The following FARSB variants were observed in gnomAD, a reference collection of about 807,000 sequenced individuals.
FARSB encodes the protein phenylalanyl-tRNA synthetase subunit beta, also known as phenylalanine--tRNA ligase beta subunit.
In FARSB, 40 loss-of-function variants were observed where a neutral mutation model predicts 69.6. The ratio of observed to expected loss-of-function variants is 0.57; its 90% confidence interval spans 0.45 to 0.75. The LOEUF (loss-of-function observed/expected upper bound fraction) is 0.75, where lower values mean the gene tolerates loss of function less well. Ranked by LOEUF, FARSB falls within the 30% of genes least tolerant of loss-of-function variation. FARSB has a pLI of 0.00. For synonymous variants in FARSB, 235 were observed against 247.2 expected (o/e 0.95, Z 0.46); for missense variants, 632 against 722.9 (o/e 0.87, Z 1.44).
chr2:222,575,481 T>C (rs1267851930), intron 16 of FARSB, among the ~76,000 whole-genome samples: 2 of 152,240 alleles, frequency 1.3e-5, no homozygotes, highest in African/African-American at 4.8e-5. Context: ...TAGTTTTCTC[T>C]TACTGATGTT....
intron 14 of FARSB, among the ~76,000 whole-genome samples, chr2:222,615,711 C>A (rs1690978993): frequency 6.6e-6 from 1 of 152,216 alleles, no homozygotes; most frequent in Non-Finnish European, 1.5e-5. Context: ...AGATCCTGCA[C>A]AAGTAACCAT....
At chr2:222,608,127 T>C (rs1690754204) in intron 15 of FARSB, among the ~76,000 whole-genome samples, 2 of 152,190 alleles carry the variant, frequency 1.3e-5, no homozygotes, top group African/African-American at 4.8e-5. Context: ...ACTTCAAAAA[T>C]TGTTAATGTC....
intron 16 of FARSB, among the ~76,000 whole-genome samples, chr2:222,576,084 G>A (rs1689832191): frequency 6.6e-6 from 1 of 151,822 alleles, no homozygotes; most frequent in Admixed American, 6.6e-5. Context: ...AGAAGCTTAA[G>A]GAGGTAACTG....
chr2:222,652,804 T>C (rs981377792), intron 1 of FARSB, among the ~76,000 whole-genome samples: 4 of 152,194 alleles, frequency 2.6e-5, no homozygotes, highest in African/African-American at 9.7e-5. Context: ...AGAAACTATA[T>C]AACAAATGAT....
At chr2:222,632,154 C>A (rs981445718) in intron 7 of FARSB, among the ~76,000 whole-genome samples, 2 of 151,796 alleles carry the variant, frequency 1.3e-5, no homozygotes, top group Admixed American at 6.6e-5. Flanking sequence ...AAAAAAAAAA[C>A]CTAACATCTT....
intron 15 of FARSB, among the ~76,000 whole-genome samples, chr2:222,608,000 CATT>C (rs1415607741): frequency 6.6e-6 from 1 of 151,902 alleles, no homozygotes; most frequent in African/African-American, 2.4e-5. Context: ...TGACAGGACA[CATT>C]ATACTCACGT....
chr2:222,594,889 G>T (rs761650379), intron 16 of FARSB, among the ~76,000 whole-genome samples: 1 of 152,198 alleles, frequency 6.6e-6, no homozygotes, highest in Admixed American at 6.5e-5. Context: ...AGGGCTAAGT[G>T]ACTCATGTGA....
rs760096037 is a variant in FARSB, at chr2:222,628,877, G to C, written c.860C>G (p.Ala287Gly). Residue 287 changes from alanine (A) to glycine (G), a missense_variant, in exon 10 of 17, where the codon GCT (alanine) becomes GGT (glycine). By Grantham distance (60) the Ala-to-Gly change is moderately conservative (BLOSUM62 0). Coordinates refer to ENST00000281828, the MANE Select transcript of FARSB (RefSeq NM_005687.5). The stretch of plus-strand genomic sequence containing the variant: ...TTTTCCATTAGGAAAAACCACTTCA[G>C]CAGCTTCGACCCTGAAAACAAAAGC... ...YCENQFTVEA[A>G]EVVFPNGKSH... is the part of the protein sequence containing the mutation. 6.8e-6 allele frequency: 11 copies of C among 1,609,684 alleles called. No homozygotes were observed. In the South Asian group the frequency reaches 1.0e-4, roughly 15 times the overall value.
At chr2:222,612,686 A>G (rs766120799) in intron 15 of FARSB, among the ~76,000 whole-genome samples, 5 of 152,234 alleles carry the variant, frequency 3.3e-5, no homozygotes, top group Non-Finnish European at 7.3e-5. Context: ...GAAACCAAGG[A>G]AACACAGCAA....
chr2:222,631,997 G>C (rs1253009969), intron 7 of FARSB, among the ~76,000 whole-genome samples: 1 of 150,242 alleles, frequency 6.7e-6, no homozygotes, highest in Non-Finnish European at 1.5e-5. Context: ...GCTTGAACCC[G>C]GGAGGTGCAG....
At chr2:222,619,971 T>C (rs1025533026) in intron 13 of FARSB, among the ~76,000 whole-genome samples, 2 of 152,146 alleles carry the variant, frequency 1.3e-5, no homozygotes, top group East Asian at 3.9e-4. Flanking sequence ...CCATAGCAGA[T>C]GGAATTTAAC....
intron 16 of FARSB, among the ~76,000 whole-genome samples, chr2:222,597,295 G>A (rs1037327514): frequency 6.6e-6 from 1 of 152,164 alleles, no homozygotes; most frequent in African/African-American, 2.4e-5. Flanking sequence ...GACAGCCAAT[G>A]TAGATTCAAA....
intron 2 of FARSB, among the ~76,000 whole-genome samples, chr2:222,646,126 C>T (rs983866965): frequency 3.9e-5 from 6 of 152,132 alleles, no homozygotes; most frequent in Admixed American, 2.0e-4. Flanking sequence ...CCTTATGGCC[C>T]AATACAATAT....
chr2:222,632,058 ACATGGTGCAATGGCACG>A (rs1559211035), intron 7 of FARSB, among the ~76,000 whole-genome samples: 3 of 152,140 alleles, frequency 2.0e-5, no homozygotes, highest in African/African-American at 7.2e-5. Context: ...CAATGGCACG[ACATGGTGCAATGGCACG>A]AGAGTGTGCC....
At chr2:222,581,084 T>C (rs1689956990) in intron 16 of FARSB, among the ~76,000 whole-genome samples, 1 of 152,124 alleles carries the variant, frequency 6.6e-6, no homozygotes, top group Admixed American at 6.6e-5. Context: ...CCCAAATGAA[T>C]GACAGCATTC....
In FARSB at chr2:222,640,879, A is replaced by G. The variant is rs1574950741; in HGVS notation, c.322T>C (p.Leu108=). 3 of 1,555,810 alleles carry G rather than the reference A, an allele frequency of 1.9e-6. No individual in the cohort carries two copies. Among genetic ancestry groups the G allele is most frequent in the Admixed American group, 1.8e-5 (1 of 56,024 alleles). Residue 108 remains leucine, a synonymous_variant, in exon 4 of 17, where the codon TTG becomes CTG. Transcript: ENST00000281828. ...CTTATTACCTCTTCTGTGATAATCA[A>G]TTTCTGGATTTTTCCATCAGGCATT... ...RVMPDGKIQK[L]IITEETAKIR...
intron 15 of FARSB, among the ~76,000 whole-genome samples, chr2:222,602,735 G>C (rs1690595659): frequency 6.6e-6 from 1 of 151,914 alleles, no homozygotes; most frequent in Non-Finnish European, 1.5e-5. Context: ...AATGAGAGAA[G>C]TGATATCTTT....
At chr2:222,601,692 C>T (rs371982051) in intron 15 of FARSB, among the ~76,000 whole-genome samples, 3 of 152,282 alleles carry the variant, frequency 2.0e-5, no homozygotes, top group African/African-American at 4.8e-5. Flanking sequence ...GATAGGGTCT[C>T]GCTCTGTTGC....
intron 2 of FARSB, among the ~76,000 whole-genome samples, chr2:222,646,061 C>G (rs1380694234): frequency 6.6e-6 from 1 of 152,092 alleles, no homozygotes; most frequent in Non-Finnish European, 1.5e-5. Context: ...ATTCATTTCA[C>G]AGTCTAAAAA....
Sources: gnomAD v4.1 joint callset for allele counts (sites outside exome capture counted in the v4.1 genomes callset) on GRCh38, gnomAD v4.1.1 for gene constraint, MANE v1.5 for transcripts, NCBI Gene and HGNC (gene_info 2026-07-23, HGNC 2026-07-21) for gene names.